The following CNTNAP2 variants were observed in gnomAD, a reference collection of about 807,000 sequenced individuals.
The protein encoded by CNTNAP2 is contactin-associated protein-like 2.
Under a neutral mutation model 155.2 loss-of-function variants are expected in CNTNAP2, and 98 were observed. That is an observed-to-expected ratio of 0.63 (90% CI 0.54 to 0.75). The LOEUF (loss-of-function observed/expected upper bound fraction) is 0.75. Ranked by LOEUF, CNTNAP2 falls within the 30% of genes least tolerant of loss-of-function variation. The probability of loss-of-function intolerance (pLI) is 0.00; values close to 1 mark genes in which losing one functional copy is unlikely to be tolerated. For missense variants in CNTNAP2, 1,727 were observed against 1,688.1 expected, an observed-to-expected ratio of 1.02 and a Z score of -0.40; for synonymous variants, 651 against 631.2, an observed-to-expected ratio of 1.03 and a Z score of -0.47.
rs150577175 is a variant in CNTNAP2 at position 147,785,725 on chromosome 7, C to T, written c.2099-117840C>T. ...ATAAGCTACAGACTGGGTGCAGTGG[C>T]TCATGCCTGTAATCCCAGCACTTTG... On this transcript the variant is annotated intron_variant, in intron 13 of 23. Transcript: ENST00000361727. Among the ~76,000 whole-genome samples, 1,010 of 152,360 alleles carry T rather than the reference C, an allele frequency of 6.6e-3. 17 individuals carry two copies. The highest frequency in any genetic ancestry group is 0.023 in the African/African-American group (974 of 41,582).
intron 1 of CNTNAP2, among the ~76,000 whole-genome samples, chr7:146,571,842 C>T (rs1490742185): frequency 6.6e-6 from 1 of 151,918 alleles, no homozygotes; most frequent in East Asian, 2.0e-4. Flanking sequence ...AGTGATTCTC[C>T]CATCTCAGGT....
intron 21 of CNTNAP2, among the ~76,000 whole-genome samples, chr7:148,369,181 C>CTTTTT (rs376460265): frequency 2.9e-4 from 27 of 92,354 alleles, no homozygotes; most frequent in East Asian, 8.0e-4. Flanking sequence ...AATTGAATCC[C>CTTTTT]TTTTTTTTTT....
intron 11 of CNTNAP2, among the ~76,000 whole-genome samples, chr7:147,505,783 C>T (rs750050736): frequency 2.0e-5 from 3 of 152,148 alleles, no homozygotes; most frequent in Non-Finnish European, 4.4e-5. Context: ...AACTGGCACT[C>T]GGTAAAAGCT....
intron 1 of CNTNAP2, among the ~76,000 whole-genome samples, chr7:146,693,395 A>T (rs1200405825): frequency 6.6e-6 from 1 of 152,006 alleles, no homozygotes; most frequent in East Asian, 1.9e-4. Context: ...TTATAACTCC[A>T]TTAACTTTGT....
chr7:147,270,549 G>A (rs112826263), intron 8 of CNTNAP2, among the ~76,000 whole-genome samples: 13 of 152,262 alleles, frequency 8.5e-5, no homozygotes, highest in African/African-American at 2.6e-4. Context: ...TGCTATTTGA[G>A]CAATGACTCT....
intron 1 of CNTNAP2, among the ~76,000 whole-genome samples, chr7:146,384,331 A>C (rs916975651): frequency 6.6e-6 from 1 of 152,182 alleles, no homozygotes; most frequent in Non-Finnish European, 1.5e-5. Context: ...AGTGGAGCAC[A>C]AGACTCCTAG....
chr7:147,902,246 C>T (rs913934460), intron 13 of CNTNAP2, among the ~76,000 whole-genome samples: 1 of 152,128 alleles, frequency 6.6e-6, no homozygotes, highest in Admixed American at 6.6e-5. Flanking sequence ...GCTTAACACT[C>T]CCACTGATAT....
chr7:148,050,671 G>A (rs1211230916), intron 15 of CNTNAP2, among the ~76,000 whole-genome samples: 3 of 152,060 alleles, frequency 2.0e-5, no homozygotes, highest in South Asian at 2.1e-4. Flanking sequence ...AGGCCTTCAC[G>A]TTCACTCTCC....
chr7:146,276,150 G>T (rs1800159781), intron 1 of CNTNAP2, among the ~76,000 whole-genome samples: 1 of 152,080 alleles, frequency 6.6e-6, no homozygotes, highest in Non-Finnish European at 1.5e-5. Context: ...AACTGTCAAG[G>T]GGACCAAGAC....
rs562375409 is a variant in CNTNAP2 at position 147,211,444 on chromosome 7, A to AT, written c.1348+78936dup. The stretch of plus-strand genomic sequence containing the variant: ...ATAAAGCTAAAGTAACCAAAACAGC[A>AT]TAGCACTGGCACAAAAACAGGCACA... On this transcript the variant is annotated intron_variant, in intron 8 of 23. Coordinates refer to ENST00000361727, the MANE Select transcript of CNTNAP2 (RefSeq NM_014141.6). Among the ~76,000 whole-genome samples, 21 of 152,194 alleles carry AT rather than the reference A, an allele frequency of 1.4e-4. No homozygotes were observed. In the East Asian group the frequency reaches 4.1e-3, roughly 29 times the overall value.
At chr7:146,265,284 A>C (rs993048900) in intron 1 of CNTNAP2, among the ~76,000 whole-genome samples, 1 of 152,156 alleles carries the variant, frequency 6.6e-6, no homozygotes, top group Non-Finnish European at 1.5e-5. Context: ...ATTATATGCC[A>C]TTTAATAACA....
At chr7:147,194,152 A>G (rs569470462) in intron 8 of CNTNAP2, among the ~76,000 whole-genome samples, 13 of 150,884 alleles carry the variant, frequency 8.6e-5, no homozygotes, top group Admixed American at 6.6e-4. Context: ...TCATTGTTCA[A>G]CTCCCACTTA....
intron 16 of CNTNAP2, among the ~76,000 whole-genome samples, chr7:148,142,726 A>T (rs1805100456): frequency 6.6e-6 from 1 of 152,062 alleles, no homozygotes; most frequent in African/African-American, 2.4e-5. Context: ...ATGCTCCCTC[A>T]CCTGCTGAGA....
intron 1 of CNTNAP2, among the ~76,000 whole-genome samples, chr7:146,146,338 G>A (rs1204627042): frequency 6.6e-6 from 1 of 151,966 alleles, no homozygotes; most frequent in Admixed American, 6.6e-5. Context: ...GATAAACTAA[G>A]GCCATAGAAT....
intron 4 of CNTNAP2, among the ~76,000 whole-genome samples, chr7:147,105,275 T>C (rs1023918631): frequency 1.3e-5 from 2 of 151,960 alleles, no homozygotes; most frequent in African/African-American, 4.8e-5. Flanking sequence ...ATTTGATGAA[T>C]TGGGCATATT....
rs1278186960 is a variant in CNTNAP2, at chr7:147,332,648, ACT to A, written c.1498+32361_1498+32362del. 2.0e-5 allele frequency among the ~76,000 whole-genome samples: 3 copies of A among 152,104 alleles called. No individual in the cohort carries two copies. In the East Asian group the frequency reaches 5.8e-4, roughly 29 times the overall value. ...GGAGACCAAGACAGGATAATCACAAACTCTGAAGTTCGAGACCAGCCTGACCA... is the reference window on the plus strand; with the variant it reads ...GGAGACCAAGACAGGATAATCACAAACTGAAGTTCGAGACCAGCCTGACCA... On this transcript the variant is annotated intron_variant, in intron 9 of 23. Coordinates refer to ENST00000361727, the MANE Select transcript of CNTNAP2 (RefSeq NM_014141.6).
chr7:148,060,163 T>G (rs1217256469), intron 15 of CNTNAP2, among the ~76,000 whole-genome samples: 3 of 152,210 alleles, frequency 2.0e-5, no homozygotes, highest in African/African-American at 7.2e-5. Context: ...TTTACTTATT[T>G]TGTAAATACA....
chr7:146,903,045 G>A (rs1032233540), intron 3 of CNTNAP2, among the ~76,000 whole-genome samples: 3 of 152,184 alleles, frequency 2.0e-5, no homozygotes, highest in African/African-American at 4.8e-5. Context: ...CCGATATTGG[G>A]AGCAAGAGTT....
At chr7:147,525,219 AT>A (rs1320036206) in intron 11 of CNTNAP2, among the ~76,000 whole-genome samples, 3 of 152,360 alleles carry the variant, frequency 2.0e-5, no homozygotes, top group Admixed American at 6.5e-5. Flanking sequence ...TTATAATAAT[AT>A]TGTTGATGTC....
Sources: allele counts gnomAD v4.1 joint callset (sites outside exome capture counted in the v4.1 genomes callset), GRCh38; gene constraint gnomAD v4.1.1; transcripts MANE v1.5; gene names NCBI Gene and HGNC (gene_info 2026-07-23, HGNC 2026-07-21).